NBEA: variants seen among roughly 807,000 people sequenced by gnomAD.
The protein encoded by NBEA is neurobeachin.
In NBEA, 44 loss-of-function variants were observed where a neutral mutation model predicts 343.4. The ratio of observed to expected loss-of-function variants is 0.13; its 90% CI spans 0.10 to 0.16. The LOEUF (loss-of-function observed/expected upper bound fraction) is 0.16. Ranked by LOEUF, NBEA falls within the 10% of genes least tolerant of loss-of-function variation. The pLI is 1.00. For missense variants in NBEA, 2,555 were observed against 3,631.3 expected (o/e 0.70, Z 7.62); for synonymous variants, 1,175 against 1,238.7 (o/e 0.95, Z 1.08).
rs113538811 is a variant in NBEA at position 35,653,513 on chromosome 13, T to C, written c.8036-1342T>C. 1.6e-3 allele frequency among the ~76,000 whole-genome samples: 241 copies of C among 152,166 alleles called. 2 individuals are homozygous for C. Among genetic ancestry groups the C allele is most frequent in the African/African-American group, 5.5e-3 (230 of 41,504 alleles). On this transcript the variant is annotated intron_variant, in intron 53 of 58. Transcript: ENST00000379939. ...GCCTGTCTAATTTTTGTATTTTTAG[T>C]AGAGACAGGGTTTCACCGTGTTGGC...
intron 37 of NBEA, among the ~76,000 whole-genome samples, chr13:35,349,876 G>A (rs1715926918): frequency 1.3e-5 from 2 of 152,078 alleles, no homozygotes; most frequent in South Asian, 4.1e-4. Context: ...ACTAGGTCTA[G>A]TGATCTCTGA....
chr13:35,046,056 A>G (rs577620353), intron 4 of NBEA, among the ~76,000 whole-genome samples: 1 of 151,914 alleles, frequency 6.6e-6, no homozygotes, highest in Non-Finnish European at 1.5e-5. Flanking sequence ...GGCTTCTTTC[A>G]CTTCCCGTGA....
intron 35 of NBEA, among the ~76,000 whole-genome samples, chr13:35,304,637 A>G (rs542210561): frequency 7.2e-5 from 11 of 152,224 alleles, no homozygotes; most frequent in African/African-American, 2.4e-4. Context: ...TAGGCTGATA[A>G]AGTTACTGTT....
chr13:35,417,040 T>G (rs1234393246), intron 38 of NBEA, among the ~76,000 whole-genome samples: 6 of 152,224 alleles, frequency 3.9e-5, no homozygotes, highest in African/African-American at 1.4e-4. Context: ...GTTTACAGTA[T>G]TCTCTGATGG....
intron 1 of NBEA, among the ~76,000 whole-genome samples, chr13:34,966,373 C>T (rs1475339779): frequency 1.3e-5 from 2 of 152,008 alleles, no homozygotes; most frequent in East Asian, 3.9e-4. Context: ...TTGGGAGGTG[C>T]TTCTTTCTAG....
chr13:35,411,424 C>CCT (rs2043576111), intron 38 of NBEA, among the ~76,000 whole-genome samples: 1 of 151,388 alleles, frequency 6.6e-6, no homozygotes, highest in African/African-American at 2.4e-5. Context: ...TTTGCCTCTG[C>CCT]CTCTGCAGGC....
At chr13:35,308,666 A>G (rs2037154932) in intron 35 of NBEA, among the ~76,000 whole-genome samples, 1 of 145,550 alleles carries the variant, frequency 6.9e-6, no homozygotes, top group Non-Finnish European at 1.5e-5. Flanking sequence ...CCCCATATAT[A>G]TATTTAACCC....
At chr13:35,397,419 A>C (rs1342920280) in intron 38 of NBEA, among the ~76,000 whole-genome samples, 2 of 152,182 alleles carry the variant, frequency 1.3e-5, no homozygotes, top group Admixed American at 1.3e-4. Context: ...TCTCATGACT[A>C]AGCTTTATTC....
chr13:35,079,627 A>C (rs2064283732), intron 10 of NBEA, among the ~76,000 whole-genome samples: 1 of 152,174 alleles, frequency 6.6e-6, no homozygotes, highest in South Asian at 2.1e-4. Flanking sequence ...TACTAATAAA[A>C]ATGTGGCTAT....
intron 41 of NBEA, among the ~76,000 whole-genome samples, chr13:35,478,971 G>T (rs997072945): frequency 1.3e-5 from 2 of 152,262 alleles, no homozygotes; most frequent in Non-Finnish European, 2.9e-5. Flanking sequence ...GCGCGCAGGT[G>T]GCGCATCTTC....
At chr13:35,087,972 C>T (rs1033779840) in intron 10 of NBEA, among the ~76,000 whole-genome samples, 2 of 151,748 alleles carry the variant, frequency 1.3e-5, no homozygotes, top group Non-Finnish European at 2.9e-5. Flanking sequence ...TGGTACGGGG[C>T]ACCAATAGTA....
chr13:35,078,157 G>C (rs1039972399), intron 10 of NBEA, among the ~76,000 whole-genome samples: 1 of 152,112 alleles, frequency 6.6e-6, no homozygotes, highest in Admixed American at 6.6e-5. Context: ...TGGACAATAA[G>C]CAAAGCCATA....
intron 1 of NBEA, among the ~76,000 whole-genome samples, chr13:34,952,098 G>A (rs1190407943): frequency 6.6e-6 from 1 of 152,138 alleles, no homozygotes; most frequent in African/African-American, 2.4e-5. Context: ...GGTTATCTAG[G>A]TACTAAGTAG....
Position 35,536,009 on chromosome 13 carries a change from C to T in NBEA, c.6586-14468C>T, listed in dbSNP as rs537395763. ...GGTTATGTTTCATTCTACCACTTCT[C>T]TTCAGGAGACGGTGATGCTGAGGGA... On this transcript the variant is annotated intron_variant, in intron 41 of 58. Transcript: ENST00000379939. Among the ~76,000 whole-genome samples, 8 of 152,248 alleles carry T rather than the reference C, an allele frequency of 5.3e-5. No individual in the cohort carries two copies. The South Asian group carries it at 1.5e-3, about 28-fold the overall frequency.
At chr13:35,257,256 T>C (rs989711489) in intron 34 of NBEA, among the ~76,000 whole-genome samples, 2 of 152,218 alleles carry the variant, frequency 1.3e-5, no homozygotes, top group African/African-American at 4.8e-5. Flanking sequence ...CATGTACAGG[T>C]CAAATTGTCA....
chr13:35,290,276 A>C, intron 34 of NBEA, 113 bp from the exon 35 acceptor site: 6 of 628,276 alleles, frequency 9.5e-6, no homozygotes, highest in East Asian at 3.2e-5. Flanking sequence ...TACCTTAGGA[A>C]TTCTATTTAA....
chr13:35,473,029 G>A (rs182555999), intron 41 of NBEA, among the ~76,000 whole-genome samples: 66 of 152,290 alleles, frequency 4.3e-4, no homozygotes, highest in African/African-American at 1.6e-3. Context: ...GGTTTTATAT[G>A]TGGATTTAAG....
intron 27 of NBEA, among the ~76,000 whole-genome samples, chr13:35,174,667 TATTTGGTTTGGGAA>T (rs563958234): frequency 1.4e-3 from 216 of 152,300 alleles, no homozygotes; most frequent in African/African-American, 5.1e-3. Context: ...ATAGTGCTCT[TATTTGGTTTGGGAA>T]ATTAAATACA....
intron 39 of NBEA, among the ~76,000 whole-genome samples, chr13:35,434,589 C>T (rs984860927): frequency 3.3e-5 from 5 of 152,130 alleles, no homozygotes; most frequent in African/African-American, 1.2e-4. Flanking sequence ...AGAACTAAAA[C>T]AATTTTATCT....
Sources: allele counts gnomAD v4.1 joint callset (sites outside exome capture counted in the v4.1 genomes callset), GRCh38; gene constraint gnomAD v4.1.1; transcripts MANE v1.5; gene names NCBI Gene and HGNC (gene_info 2026-07-23, HGNC 2026-07-21).